The following NETO1 variants were observed in gnomAD, a reference collection of about 807,000 sequenced individuals.
NETO1 encodes neuropilin and tolloid-like protein 1.
NETO1 carries 26 observed loss-of-function variants against 61.3 expected under a neutral mutation model. That is an observed-to-expected ratio of 0.42 (90% CI 0.31 to 0.59). The LOEUF (loss-of-function observed/expected upper bound fraction) is 0.59. Ranked by LOEUF, NETO1 falls within the 20% of genes least tolerant of loss-of-function variation. The pLI is 0.12. For missense variants in NETO1, 531 were observed against 662.8 expected (o/e 0.80, Z 2.18); for synonymous variants, 225 against 225.8 (o/e 1.00, Z 0.03).
At chr18:72,850,744 G>A (rs190364799) in intron 4 of NETO1, among the ~76,000 whole-genome samples, 215 of 152,260 alleles carry the variant, frequency 1.4e-3, no homozygotes, top group Admixed American at 2.4e-3. Flanking sequence ...TTTTTGTCAT[G>A]TTTCTTGAGT....
intron 4 of NETO1, among the ~76,000 whole-genome samples, chr18:72,847,528 C>T (rs2074124920): frequency 6.6e-6 from 1 of 152,188 alleles, no homozygotes; most frequent in Admixed American, 6.5e-5. Flanking sequence ...TTGCCACAAA[C>T]AAAAACACCA....
Position 72,858,839 on chromosome 18 carries a change from G to A in NETO1, c.456C>T (p.Tyr152=). 6.2e-7 allele frequency: 1 copy of A among 1,610,798 alleles called. No individual in the cohort carries two copies. Among genetic ancestry groups the A allele is most frequent in the Non-Finnish European group, 8.5e-7 (1 of 1,178,828 alleles). ...GTACTTACTTACCAGGTGTGAAATT[G>A]TATCGAGCTGAAAATCCCATAGATT... is the stretch of plus-strand genomic sequence containing the variant. ...ELESMGFSAR[Y]NFTPDPDFKD... The change falls in exon 4 of 11, where the codon TAC becomes TAT. Residue 152 remains tyrosine, a synonymous_variant. Coordinates refer to ENST00000327305, the MANE Select transcript of NETO1 (RefSeq NM_138966.5).
At chr18:72,785,658 T>C (rs558893191) in intron 6 of NETO1, among the ~76,000 whole-genome samples, 27 of 152,238 alleles carry the variant, frequency 1.8e-4, no homozygotes, top group Non-Finnish European at 3.5e-4. Flanking sequence ...CATTTAACGT[T>C]AGGCATAGCT....
chr18:72,750,290 G>A lies in NETO1; in HGVS notation c.1313C>T (p.Ser438Phe), dbSNP rs755292507. ...IHDHHCGSQLSSTKGSRSNLS... is the reference protein window; with the variant it reads ...IHDHHCGSQLFSTKGSRSNLS... ...GTTACTGCGGCTGCCTTTAGTGCTG[G>A]ACAGCTGTGATCCACAGTGATGGTC... The change falls in exon 9 of 11, where the codon TCC becomes TTC. Residue 438 changes from serine to phenylalanine, a missense_variant. Coordinates refer to ENST00000327305, the MANE Select transcript of NETO1 (RefSeq NM_138966.5). 1.9e-6 allele frequency: 3 copies of A among 1,614,064 alleles called. No individual in the cohort carries two copies. The South Asian group carries it at 3.3e-5, about 18-fold the overall frequency.
intron 8 of NETO1, among the ~76,000 whole-genome samples, chr18:72,753,076 G>A (rs1467501847): frequency 6.6e-6 from 1 of 151,956 alleles, no homozygotes; most frequent in African/African-American, 2.4e-5. Flanking sequence ...ACAAAGGAGA[G>A]ATGGAAAGTA....
chr18:72,867,035 A>C, intron 1 of NETO1: 1 of 469,846 alleles, frequency 2.1e-6, no homozygotes, highest in South Asian at 4.4e-5. Context: ...GCGCACTGAA[A>C]GACCGTTCTC....
chr18:72,843,780 C>T (rs887764662), intron 4 of NETO1, among the ~76,000 whole-genome samples: 1 of 152,194 alleles, frequency 6.6e-6, no homozygotes, highest in Admixed American at 6.5e-5. Context: ...GTCAGTCTAC[C>T]TATCCCGCCA....
At chr18:72,765,965 G>A (rs976979547) in intron 7 of NETO1, among the ~76,000 whole-genome samples, 3 of 152,082 alleles carry the variant, frequency 2.0e-5, no homozygotes, top group South Asian at 2.1e-4. Context: ...TCAGCACTTC[G>A]GGAGGCCGAG....
chr18:72,805,888 T>G (rs1002688135), intron 4 of NETO1, among the ~76,000 whole-genome samples: 1 of 152,240 alleles, frequency 6.6e-6, no homozygotes, highest in African/African-American at 2.4e-5. Context: ...ATGTTGGAGC[T>G]ATGGTTAAAA....
chr18:72,864,231 A>G (rs2074666855), intron 3 of NETO1, among the ~76,000 whole-genome samples: 1 of 152,152 alleles, frequency 6.6e-6, no homozygotes, highest in African/African-American at 2.4e-5. Context: ...TCTTTCCAAC[A>G]CCATTTATCT....
chr18:72,849,045 T>A (rs976612405), intron 4 of NETO1, among the ~76,000 whole-genome samples: 1 of 152,216 alleles, frequency 6.6e-6, no homozygotes, highest in African/African-American at 2.4e-5. Flanking sequence ...ACACTCCTAA[T>A]CATTTCAAAG....
At chr18:72,783,932 C>T in intron 6 of NETO1, 26 bp from the exon 7 acceptor site, 1 of 1,520,430 alleles carries the variant, frequency 6.6e-7, no homozygotes, top group Non-Finnish European at 9.1e-7. Context: ...AAAATAATTT[C>T]CACATATCAA....
chr18:72,856,644 G>T (rs2074418713), intron 4 of NETO1, among the ~76,000 whole-genome samples: 1 of 152,152 alleles, frequency 6.6e-6, no homozygotes, highest in South Asian at 2.1e-4. Flanking sequence ...GTGATGCAAA[G>T]AAAAGAAAAG....
chr18:72,802,470 C>A (rs1233849828), intron 4 of NETO1, among the ~76,000 whole-genome samples: 2 of 152,174 alleles, frequency 1.3e-5, no homozygotes, highest in Non-Finnish European at 2.9e-5. Flanking sequence ...TTACTTTTGT[C>A]TAAAAAATGA....
chr18:72,846,011 A>G (rs1404057550), intron 4 of NETO1, among the ~76,000 whole-genome samples: 1 of 152,116 alleles, frequency 6.6e-6, no homozygotes, highest in African/African-American at 2.4e-5. Context: ...GTCTATTCGT[A>G]TAATCACTAC....
chr18:72,826,850 C>A (rs532084769), intron 4 of NETO1, among the ~76,000 whole-genome samples: 2 of 152,120 alleles, frequency 1.3e-5, no homozygotes, highest in East Asian at 3.9e-4. Context: ...GGGAAGCCTC[C>A]GATCCTAGGC....
intron 6 of NETO1, among the ~76,000 whole-genome samples, 200 bp downstream of exon 6, chr18:72,793,915 ACT>A (rs1372369497): frequency 6.6e-6 from 1 of 152,072 alleles, no homozygotes; most frequent in Non-Finnish European, 1.5e-5. Context: ...TCTTCAACTC[ACT>A]CTCTAGATTG....
intron 4 of NETO1, among the ~76,000 whole-genome samples, chr18:72,846,504 C>CAAAAAAAAA (rs35252443): frequency 0.071 from 930 of 13,014 alleles, 294 homozygotes; most frequent in Non-Finnish European, 0.096. Context: ...GACTTCATCT[C>CAAAAAAAAA]AAAAAAAAAA....
intron 4 of NETO1, among the ~76,000 whole-genome samples, chr18:72,858,229 G>T (rs2074463874): frequency 6.6e-6 from 1 of 152,128 alleles, no homozygotes; most frequent in South Asian, 2.1e-4. Flanking sequence ...GAGTTAAAAG[G>T]AAAATTGATA....
Sources: allele counts gnomAD v4.1 joint callset (sites outside exome capture counted in the v4.1 genomes callset), GRCh38; gene constraint gnomAD v4.1.1; transcripts MANE v1.5; gene names NCBI Gene and HGNC (gene_info 2026-07-23, HGNC 2026-07-21).